C16orf74: variants seen among roughly 807,000 people sequenced by gnomAD.
C16orf74 encodes the protein calcimembrin, also known as uncharacterized protein C16orf74.
A neutral mutation model predicts 6.5 loss-of-function variants in C16orf74; 10 were observed. The observed-to-expected ratio is 1.54, with a 90% CI of 0.95 to 2.61. The LOEUF is 2.61. Ranked by LOEUF, C16orf74 falls within the 30% of genes most tolerant of loss-of-function variation. The pLI is 0.00. For synonymous variants in C16orf74, 60 were observed against 42.5 expected, an observed-to-expected ratio of 1.41 and a Z score of -1.60; for missense variants, 141 against 105.9, an observed-to-expected ratio of 1.33 and a Z score of -1.45.
intron 1 of C16orf74, among the ~76,000 whole-genome samples, chr16:85,739,727 T>C (rs921999504): frequency 6.6e-6 from 1 of 152,052 alleles, no homozygotes; most frequent in Non-Finnish European, 1.5e-5. Flanking sequence ...TTGAGCCTCC[T>C]TGAAGTGGAG....
chr16:85,724,052 C>G (rs2054109040), intron 2 of C16orf74, among the ~76,000 whole-genome samples: 1 of 152,066 alleles, frequency 6.6e-6, no homozygotes, highest in Non-Finnish European at 1.5e-5. Context: ...GTTGCCCAGG[C>G]TGGAATGCAG....
intron 1 of C16orf74, among the ~76,000 whole-genome samples, chr16:85,750,071 G>A (rs1425740676): frequency 2.0e-5 from 3 of 152,212 alleles, no homozygotes; most frequent in Non-Finnish European, 4.4e-5. Flanking sequence ...AAACGCCAGA[G>A]CCTGTGACTC....
At chr16:85,716,680 G>C (rs1304764560) in intron 2 of C16orf74, among the ~76,000 whole-genome samples, 1 of 148,078 alleles carries the variant, frequency 6.8e-6, no homozygotes, top group South Asian at 2.2e-4. Context: ...AGGGAAGGAG[G>C]AGGAAGGCGA....
intron 1 of C16orf74, among the ~76,000 whole-genome samples, chr16:85,748,005 G>C (rs905471394): frequency 5.3e-5 from 8 of 151,874 alleles, no homozygotes; most frequent in Non-Finnish European, 7.4e-5. Flanking sequence ...AGAATTGCTT[G>C]AACCTAGGAG....
chr16:85,731,119 C>T (rs755354552), intron 2 of C16orf74, among the ~76,000 whole-genome samples: 1 of 152,154 alleles, frequency 6.6e-6, no homozygotes, highest in Non-Finnish European at 1.5e-5. Flanking sequence ...TCTTCAAGTC[C>T]TCTCCAGAAC....
chr16:85,735,083 C>T (rs1440149610), intron 2 of C16orf74, 107 bp downstream of exon 2: 2 of 926,060 alleles, frequency 2.2e-6, no homozygotes, highest in East Asian at 5.9e-5. Flanking sequence ...GGGATGGTGC[C>T]CTGCTCCCTC....
At chr16:85,739,705 T>C (rs2054281927) in intron 1 of C16orf74, among the ~76,000 whole-genome samples, 1 of 151,998 alleles carries the variant, frequency 6.6e-6, no homozygotes, top group Non-Finnish European at 1.5e-5. Flanking sequence ...GAGACTGAGG[T>C]AGGAGGATCG....
Position 85,735,181 on chromosome 16 carries a change from A to G in C16orf74, c.28+9T>C. 1 of 1,603,484 alleles carries G rather than the reference A, an allele frequency of 6.2e-7. No homozygotes were observed. The highest frequency in any genetic ancestry group is 8.5e-7 in the Non-Finnish European group (1 of 1,174,684). On this transcript the variant is annotated intron_variant, in intron 2 of 3. Transcript: ENST00000284245. ...TGAGAGCTGGTGGGGGCAGAGCTTC[A>G]GGCCTTACCTTTCAGGCAGGACATC...
intron 1 of C16orf74, among the ~76,000 whole-genome samples, chr16:85,745,772 G>A (rs946103443): frequency 7.3e-5 from 11 of 150,208 alleles, no homozygotes; most frequent in Admixed American, 4.0e-4. Flanking sequence ...AGAATCTCCC[G>A]CTGGCTGGAG....
chr16:85,740,346 G>A (rs181904876), intron 1 of C16orf74, among the ~76,000 whole-genome samples: 1 of 151,456 alleles, frequency 6.6e-6, no homozygotes, highest in African/African-American at 2.4e-5. Context: ...CCTGAGGTGA[G>A]GAGTTCGAGA....
At chr16:85,715,437 G>C (rs1218276306) in intron 2 of C16orf74, among the ~76,000 whole-genome samples, 1 of 152,206 alleles carries the variant, frequency 6.6e-6, no homozygotes, top group East Asian at 1.9e-4. Context: ...ACAGCTAGTG[G>C]GAGGCAGGGC....
chr16:85,732,914 C>A (rs866708618), intron 2 of C16orf74, among the ~76,000 whole-genome samples: 16 of 152,278 alleles, frequency 1.1e-4, no homozygotes, highest in Middle Eastern at 3.4e-3. Flanking sequence ...CTTTTAAAAG[C>A]TCCCAGCCCC....
intron 2 of C16orf74, among the ~76,000 whole-genome samples, chr16:85,731,557 C>T (rs1481243033): frequency 2.0e-5 from 3 of 152,036 alleles, no homozygotes; most frequent in Admixed American, 1.3e-4. Context: ...CCCTGGGCAG[C>T]GTGTAGTGTT....
intron 1 of C16orf74, among the ~76,000 whole-genome samples, chr16:85,750,234 T>C (rs2054421568): frequency 6.6e-6 from 1 of 152,162 alleles, no homozygotes; most frequent in Non-Finnish European, 1.5e-5. Flanking sequence ...TGCACAGATT[T>C]TCCCTTGATT....
chr16:85,724,073 C>T (rs979312145), intron 2 of C16orf74, among the ~76,000 whole-genome samples: 1 of 151,958 alleles, frequency 6.6e-6, no homozygotes, highest in African/African-American at 2.4e-5. Flanking sequence ...TGGCACCGGG[C>T]TACGTTTATT....
chr16:85,714,389 ATT>A, intron 2 of C16orf74, among the ~76,000 whole-genome samples: 1 of 70,452 alleles, frequency 1.4e-5, no homozygotes, highest in South Asian at 9.5e-4. Context: ...TTATTTATTT[ATT>A]TATTTATTTA....
intron 2 of C16orf74, among the ~76,000 whole-genome samples, chr16:85,720,189 T>G (rs1450902594): frequency 6.6e-6 from 1 of 152,136 alleles, no homozygotes; most frequent in Non-Finnish European, 1.5e-5. Context: ...AAATCTCTTT[T>G]TAATTAAGGA....
intron 2 of C16orf74, among the ~76,000 whole-genome samples, chr16:85,729,730 T>C (rs531698557): frequency 3.3e-5 from 5 of 151,202 alleles, no homozygotes; most frequent in East Asian, 1.9e-4. Flanking sequence ...GAGAGGGAGG[T>C]TGAATGCAGG....
At chr16:85,714,992 T>C (rs1208881025) in intron 2 of C16orf74, among the ~76,000 whole-genome samples, 4 of 150,564 alleles carry the variant, frequency 2.7e-5, no homozygotes, top group Non-Finnish European at 5.9e-5. Flanking sequence ...CCGTCTCTAC[T>C]AAAAATACAA....
Sources: allele counts gnomAD v4.1 joint callset (sites outside exome capture counted in the v4.1 genomes callset), GRCh38; gene constraint gnomAD v4.1.1; transcripts MANE v1.5; gene names NCBI Gene and HGNC (gene_info 2026-07-23, HGNC 2026-07-21).